KIF26B: variants seen among roughly 807,000 people sequenced by gnomAD.
The protein encoded by KIF26B is kinesin family member 26B.
KIF26B carries 63 observed loss-of-function variants against 151.2 expected under a neutral mutation model. That is an observed-to-expected ratio of 0.42 (90% CI 0.34 to 0.51). The LOEUF is 0.51. Ranked by LOEUF, KIF26B falls within the 20% of genes least tolerant of loss-of-function variation. The probability of loss-of-function intolerance (pLI) is 0.07; values close to 1 mark genes in which losing one functional copy is unlikely to be tolerated. For synonymous variants in KIF26B, 1,357 were observed against 1,262.1 expected (o/e 1.08, Z -1.59); for missense variants, 2,813 against 2,913.6 (o/e 0.97, Z 0.79).
At chr1:245,195,438 G>A (rs146498840) in intron 2 of KIF26B, among the ~76,000 whole-genome samples, 10 of 152,188 alleles carry the variant, frequency 6.6e-5, no homozygotes, top group East Asian at 1.9e-4. Context: ...TGTGAGATGC[G>A]CTAGGTGGAT....
intron 3 of KIF26B, among the ~76,000 whole-genome samples, chr1:245,405,162 G>C (rs1333051108): frequency 6.6e-6 from 1 of 152,186 alleles, no homozygotes; most frequent in East Asian, 1.9e-4. Context: ...TAATGAAACA[G>C]AGTTTCCCGG....
intron 12 of KIF26B, among the ~76,000 whole-genome samples, chr1:245,695,194 G>C (rs935220552): frequency 1.3e-5 from 2 of 152,140 alleles, no homozygotes; most frequent in Admixed American, 6.5e-5. Flanking sequence ...ATTTATATGG[G>C]GCCCCAGACC....
At chr1:245,341,225 G>C (rs1228723884) in intron 2 of KIF26B, among the ~76,000 whole-genome samples, 1 of 151,302 alleles carries the variant, frequency 6.6e-6, no homozygotes, top group Non-Finnish European at 1.5e-5. Flanking sequence ...GATTTCTAAA[G>C]GGAAGTCTTC....
At chr1:245,684,883 T>C (rs901861622) in intron 11 of KIF26B, among the ~76,000 whole-genome samples, 1 of 152,204 alleles carries the variant, frequency 6.6e-6, no homozygotes, top group African/African-American at 2.4e-5. Context: ...CAGTGGTTTC[T>C]GGATGATACT....
At chr1:245,458,659 C>T (rs1050317649) in intron 4 of KIF26B, among the ~76,000 whole-genome samples, 26 of 152,148 alleles carry the variant, frequency 1.7e-4, no homozygotes, top group African/African-American at 6.3e-4. Flanking sequence ...TAATCTTGTA[C>T]ATGTACATGT....
At chr1:245,664,443 C>CT (rs1266788943) in intron 10 of KIF26B, among the ~76,000 whole-genome samples, 128 of 150,706 alleles carry the variant, frequency 8.5e-4, no homozygotes, top group African/African-American at 3.0e-3. Flanking sequence ...TGCTCCTTTG[C>CT]TTTTTTTTTT....
rs190270207 is a variant in KIF26B, at chr1:245,323,629, G to A, written c.466-43205G>A. ...TCAGAACAGTGCCCTTCAGTCCACCGGAAAGTGCCACTCCAATTTTTAGTT... is the reference window on the plus strand; with the variant it reads ...TCAGAACAGTGCCCTTCAGTCCACCAGAAAGTGCCACTCCAATTTTTAGTT... On this transcript the variant is annotated intron_variant, in intron 2 of 14. Transcript: ENST00000407071. 9.7e-4 allele frequency among the ~76,000 whole-genome samples: 148 copies of A among 152,210 alleles called. 3 individuals carry two copies. The highest frequency in any genetic ancestry group is 6.2e-4 in the Non-Finnish European group (42 of 68,010).
chr1:245,558,867 A>G (rs1284375789), intron 5 of KIF26B, among the ~76,000 whole-genome samples: 1 of 152,196 alleles, frequency 6.6e-6, no homozygotes, highest in African/African-American at 2.4e-5. Flanking sequence ...AGATGGGGAG[A>G]GAGTGACTGA....
chr1:245,389,107 A>G (rs1305272250), intron 3 of KIF26B, among the ~76,000 whole-genome samples: 1 of 152,010 alleles, frequency 6.6e-6, no homozygotes, highest in Non-Finnish European at 1.5e-5. Context: ...GTCCACTCTC[A>G]AAAAAGCCCA....
At chr1:245,426,688 C>T (rs1479071120) in intron 4 of KIF26B, among the ~76,000 whole-genome samples, 1 of 152,200 alleles carries the variant, frequency 6.6e-6, no homozygotes, top group East Asian at 1.9e-4. Context: ...GCCCTGGGGT[C>T]AGGGCTAGGC....
rs1034903566 is a variant in KIF26B at position 245,218,567 on chromosome 1, A to G, written c.465+61884A>G. ...ATCAACTCTCTATGGAAGAACAAGA[A>G]CCGAGGTGTCTCTTCTGCCCCATTT... is the stretch of plus-strand genomic sequence containing the variant. On this transcript the variant is annotated intron_variant, in intron 2 of 14. Transcript: ENST00000407071. The surrounding 1 kb of genome is among the most constrained non-coding windows in gnomAD (Gnocchi z 4.1). 5.9e-5 allele frequency among the ~76,000 whole-genome samples: 9 copies of G among 152,116 alleles called. No homozygotes were observed. Among genetic ancestry groups the G allele is most frequent in the Non-Finnish European group, 1.2e-4 (8 of 68,024 alleles).
chr1:245,433,360 G>A (rs1287448244), intron 4 of KIF26B, among the ~76,000 whole-genome samples: 3 of 151,916 alleles, frequency 2.0e-5, no homozygotes, highest in Non-Finnish European at 4.4e-5. Context: ...CCAGCTACTT[G>A]GAAGGCTGAG....
intron 4 of KIF26B, among the ~76,000 whole-genome samples, chr1:245,473,256 G>A (rs1277917559): frequency 6.6e-6 from 1 of 152,108 alleles, no homozygotes; most frequent in Non-Finnish European, 1.5e-5. Flanking sequence ...TGTTTTGGAG[G>A]GCTAGTATGC....
At chr1:245,424,828 GAGCATGA>G (rs1658581280) in intron 4 of KIF26B, among the ~76,000 whole-genome samples, 1 of 152,202 alleles carries the variant, frequency 6.6e-6, no homozygotes, top group South Asian at 2.1e-4. Context: ...GAGAACGATG[GAGCATGA>G]AGCACCTGTT....
intron 4 of KIF26B, among the ~76,000 whole-genome samples, chr1:245,448,272 A>C (rs1249401249): frequency 6.6e-6 from 1 of 152,118 alleles, no homozygotes; most frequent in Non-Finnish European, 1.5e-5. Context: ...CAGTGGCATG[A>C]TCTTGGCTCA....
intron 4 of KIF26B, among the ~76,000 whole-genome samples, chr1:245,524,159 G>A (rs899248170): frequency 6.6e-6 from 1 of 152,152 alleles, no homozygotes; most frequent in Non-Finnish European, 1.5e-5. Context: ...TTTTATGGAC[G>A]CTAAGGCAAA....
In KIF26B at chr1:245,243,447, T is replaced by TACACAC. The variant is rs56334344; in HGVS notation, c.465+86784_465+86789dup. ...ATATATATACATACATATATATATA[T>TACACAC]ACACACACACACACACACACACACA... On this transcript the variant is annotated intron_variant, in intron 2 of 14. Transcript: ENST00000407071. Among the ~76,000 whole-genome samples, 472 of 147,364 alleles carry TACACAC rather than the reference T, an allele frequency of 3.2e-3. 4 individuals carry two copies. Among genetic ancestry groups the TACACAC allele is most frequent in the African/African-American group, 0.011 (453 of 39,690 alleles).
intron 2 of KIF26B, among the ~76,000 whole-genome samples, chr1:245,228,747 T>G (rs1669928928): frequency 6.6e-6 from 1 of 152,172 alleles, no homozygotes; most frequent in Non-Finnish European, 1.5e-5. Context: ...GAGATAATGT[T>G]ACCCTCATTT....
At chr1:245,270,252 CTTCCTTCTTCCT>C (rs1388862368) in intron 2 of KIF26B, among the ~76,000 whole-genome samples, 3 of 125,258 alleles carry the variant, frequency 2.4e-5, no homozygotes, top group African/African-American at 9.5e-5. Flanking sequence ...TTCTTCTTCC[CTTCCTTCTTCCT>C]TTCCCTTCCT....
Sources: allele counts gnomAD v4.1 joint callset (sites outside exome capture counted in the v4.1 genomes callset), GRCh38; gene constraint gnomAD v4.1.1; non-coding constraint Gnocchi (gnomAD v3.1); transcripts MANE v1.5; gene names NCBI Gene and HGNC (gene_info 2026-07-23, HGNC 2026-07-21).